The following FAM171A1 variants were observed in gnomAD, a reference collection of about 807,000 sequenced individuals.
FAM171A1 encodes the protein family with sequence similarity 171 member A1.
FAM171A1 carries 23 observed loss-of-function variants against 74.9 expected under a neutral mutation model. That is an observed-to-expected ratio of 0.31 (90% CI 0.22 to 0.44). The LOEUF is 0.44. Among genes scored for constraint, FAM171A1 ranks in the 20% least tolerant of loss-of-function variants. The pLI is 1.00. For synonymous variants in FAM171A1, 527 were observed against 505.7 expected, an observed-to-expected ratio of 1.04 and a Z score of -0.57; for missense variants, 1,162 against 1,159.2, an observed-to-expected ratio of 1.00 and a Z score of -0.03.
At chr10:15,357,277 C>T (rs1334690750) in intron 1 of FAM171A1, among the ~76,000 whole-genome samples, 4 of 151,902 alleles carry the variant, frequency 2.6e-5, no homozygotes, top group East Asian at 3.9e-4. Flanking sequence ...AGCGAGACTC[C>T]GTCTCAAAAT....
intron 1 of FAM171A1, among the ~76,000 whole-genome samples, chr10:15,316,306 T>G (rs1361423708): frequency 6.6e-6 from 1 of 152,174 alleles, no homozygotes; most frequent in Non-Finnish European, 1.5e-5. Flanking sequence ...CTGGAATGCT[T>G]GAGAAGCACC....
chr10:15,341,051 A>C (rs1412623853), intron 1 of FAM171A1, among the ~76,000 whole-genome samples: 1 of 152,234 alleles, frequency 6.6e-6, no homozygotes, highest in Non-Finnish European at 1.5e-5. Flanking sequence ...TTTAAGTGGC[A>C]GCACACCTAC....
intron 1 of FAM171A1, among the ~76,000 whole-genome samples, chr10:15,325,353 C>A (rs1446135676): frequency 6.6e-6 from 1 of 152,064 alleles, no homozygotes; most frequent in Admixed American, 6.6e-5. Flanking sequence ...ACGAAAAATA[C>A]AAAAATTAGC....
intron 2 of FAM171A1, 68 bp from the exon 3 acceptor site, chr10:15,276,015 G>T: frequency 1.8e-6 from 2 of 1,098,086 alleles, no homozygotes; most frequent in South Asian, 1.4e-5. Flanking sequence ...TCTAATTTTT[G>T]GGATACTCTG....
At chr10:15,292,333 A>C (rs1183761126) in intron 1 of FAM171A1, among the ~76,000 whole-genome samples, 2 of 152,184 alleles carry the variant, frequency 1.3e-5, no homozygotes, top group African/African-American at 4.8e-5. Flanking sequence ...CCTTCCTCCC[A>C]AACCTGTCCT....
At chr10:15,352,057 C>G (rs1835886125) in intron 1 of FAM171A1, among the ~76,000 whole-genome samples, 1 of 61,596 alleles carries the variant, frequency 1.6e-5, no homozygotes, top group Admixed American at 2.2e-4. Flanking sequence ...AAAAAAAATA[C>G]AATTTTTTTT....
At chr10:15,274,687 C>G (rs1385221032) in intron 3 of FAM171A1, among the ~76,000 whole-genome samples, 3 of 152,106 alleles carry the variant, frequency 2.0e-5, no homozygotes, top group South Asian at 4.1e-4. Context: ...CCAAAACAGA[C>G]ATATAGACCA....
chr10:15,299,856 T>C (rs538389515), intron 1 of FAM171A1, among the ~76,000 whole-genome samples: 2 of 152,020 alleles, frequency 1.3e-5, no homozygotes, highest in African/African-American at 4.8e-5. Flanking sequence ...TGGGTGCCTG[T>C]AGTCCCAGCT....
intron 4 of FAM171A1, among the ~76,000 whole-genome samples, chr10:15,253,081 G>C (rs1323963117): frequency 6.6e-6 from 1 of 152,086 alleles, no homozygotes; most frequent in Non-Finnish European, 1.5e-5. Flanking sequence ...TTGGCTCACT[G>C]CAACCTCCAC....
At chr10:15,314,119 G>A (rs950673597) in intron 1 of FAM171A1, among the ~76,000 whole-genome samples, 6 of 152,198 alleles carry the variant, frequency 3.9e-5, no homozygotes, top group African/African-American at 7.2e-5. Context: ...CACGCCAAGC[G>A]TCTGGTCATG....
chr10:15,234,105 T>C (rs1834248578), intron 5 of FAM171A1, among the ~76,000 whole-genome samples: 4 of 151,888 alleles, frequency 2.6e-5, no homozygotes, highest in Admixed American at 2.6e-4. Context: ...TTTACAGAAC[T>C]TGAGAAGTTT....
intron 5 of FAM171A1, among the ~76,000 whole-genome samples, chr10:15,233,707 T>C (rs765588225): frequency 9.2e-5 from 14 of 152,100 alleles, no homozygotes; most frequent in Admixed American, 1.3e-4. Context: ...ATGGAGACCA[T>C]CGTGGCCAAT....
chr10:15,374,082 A>T (rs1168973539), upstream of FAM171A1, among the ~76,000 whole-genome samples: 2 of 152,138 alleles, frequency 1.3e-5, no homozygotes, highest in African/African-American at 4.8e-5. Flanking sequence ...TCCCTTGGAC[A>T]CCCCTGCGAG....
At chr10:15,366,762 T>C (rs570225471) in intron 1 of FAM171A1, among the ~76,000 whole-genome samples, 1 of 152,352 alleles carries the variant, frequency 6.6e-6, no homozygotes, top group South Asian at 2.1e-4. Context: ...TTTCCATATG[T>C]TTTCTTGGTA....
At chr10:15,236,026 C>T (rs1588504412) in intron 5 of FAM171A1, among the ~76,000 whole-genome samples, 1 of 152,284 alleles carries the variant, frequency 6.6e-6, no homozygotes, top group Middle Eastern at 3.4e-3. Context: ...GACGAACACT[C>T]GCTTTGGACA....
At chr10:15,261,022 C>A (rs554757254) in intron 3 of FAM171A1, among the ~76,000 whole-genome samples, 4 of 152,236 alleles carry the variant, frequency 2.6e-5, no homozygotes, top group Non-Finnish European at 5.9e-5. Context: ...TTTGTATTCA[C>A]GGAACTCAAG....
rs114163647 is a variant in FAM171A1 at position 15,267,974 on chromosome 10, T to A, written c.418+7881A>T. ...TAAAGGGAAAGGTGGGGACAGTGGA[T>A]GTTGAAGGTGGCTGTGAAGGAGAAG... On this transcript the variant is annotated intron_variant, in intron 3 of 7. Transcript: ENST00000378116. 3.4e-3 allele frequency among the ~76,000 whole-genome samples: 522 copies of A among 152,190 alleles called. 3 individuals carry two copies. The highest frequency in any genetic ancestry group is 0.012 in the African/African-American group (501 of 41,504).
chr10:15,327,240 C>T (rs1206575408), intron 1 of FAM171A1, among the ~76,000 whole-genome samples: 1 of 152,136 alleles, frequency 6.6e-6, no homozygotes, highest in Non-Finnish European at 1.5e-5. Context: ...TGCCTACCCC[C>T]TAGGCCACTC....
intron 1 of FAM171A1, among the ~76,000 whole-genome samples, chr10:15,313,153 T>C (rs1835383788): frequency 6.6e-6 from 1 of 152,180 alleles, no homozygotes; most frequent in African/African-American, 2.4e-5. Context: ...CCCAGGGCAC[T>C]GGATGGGAGC....
Sources: gnomAD v4.1 joint callset for allele counts (sites outside exome capture counted in the v4.1 genomes callset) on GRCh38, gnomAD v4.1.1 for gene constraint, MANE v1.5 for transcripts, NCBI Gene and HGNC (gene_info 2026-07-23, HGNC 2026-07-21) for gene names.